Variants in CDH26 observed in about 807,000 individuals in gnomAD.
CDH26 encodes cadherin 26.
CDH26 carries 83 observed loss-of-function variants against 90.3 expected under a neutral mutation model. The observed-to-expected ratio is 0.92, with a 90% CI of 0.77 to 1.10. CDH26 has a LOEUF of 1.10. Ranked by LOEUF, CDH26 falls within the 50% of genes least tolerant of loss-of-function variation. The pLI, the probability that CDH26 is intolerant of heterozygous loss-of-function variation, is 0.00. For synonymous variants in CDH26, 397 were observed against 396.3 expected (o/e 1.00, Z -0.02); for missense variants, 1,013 against 1,037.6 (o/e 0.98, Z 0.33).
Position 60,014,130 on chromosome 20 carries a change from AATTATCTCATTTTAAAACTTT to A in CDH26, c.*1406_*1426del, listed in dbSNP as rs1331265225. On this transcript the variant is annotated 3_prime_UTR_variant, in exon 18 of 18. Coordinates refer to ENST00000348616, the MANE Select transcript of CDH26 (RefSeq NM_177980.4). ...TTCTGTCCCCTGTAGATTTTTAAAA[AATTATCTCATTTTAAAACTTT>A]ATTATTTCATTTTAAATAATTGACA... 1 of 152,172 alleles carries A rather than the reference AATTATCTCATTTTAAAACTTT, an allele frequency of 6.6e-6. No homozygotes were observed. Among genetic ancestry groups the A allele is most frequent in the Non-Finnish European group, 1.5e-5 (1 of 68,040 alleles). The allele number at this position is 152,172 out of a possible 1,614,324, so 9.4% of individuals were successfully genotyped here. A position where few individuals can be genotyped will look rare whatever the true frequency, so the allele number is the denominator to read the frequency against.
chr20:60,001,465 T>C (rs1268957324), intron 15 of CDH26, 54 bp downstream of exon 15: 1 of 1,600,490 alleles, frequency 6.2e-7, no homozygotes, highest in Non-Finnish European at 8.5e-7. Flanking sequence ...TGACTAACAG[T>C]TGGTCCCCCT....
rs1166644894 is a variant in CDH26 at position 60,031,402 on chromosome 20, A to C, written c.1120A>C (p.Lys374Gln). ...TTTGGCTCGAACACCCTCTTTCAAG[A>C]AAGTTGTTTATGACCACAAGGAAGG... Residue 374 changes from lysine to glutamine, a missense_variant, in exon 8 of 9, where the codon AAA becomes CAA. By Grantham distance (53) the Lys-to-Gln change is moderately conservative. Transcript: ENST00000370991. 5.8e-6 allele frequency: 7 copies of C among 1,212,808 alleles called. No individual in the cohort carries two copies. In the African/African-American group the frequency reaches 9.7e-5, roughly 17 times the overall value. 75.1% of individuals were successfully genotyped at this position (1,212,808 alleles called of 1,614,324 possible).
chr20:59,970,952 C>A (rs1035437434), intron 3 of CDH26, among the ~76,000 whole-genome samples: 1 of 152,012 alleles, frequency 6.6e-6, no homozygotes, highest in Non-Finnish European at 1.5e-5. Flanking sequence ...AACAATTAGG[C>A]GGGGCTTGAG....
At chr20:59,963,387 A>G (rs1204448721) in intron 1 of CDH26, among the ~76,000 whole-genome samples, 1 of 151,796 alleles carries the variant, frequency 6.6e-6, no homozygotes, top group African/African-American at 2.4e-5. Context: ...AGTAGCTGGA[A>G]CTACAGGCAT....
Position 59,982,823 on chromosome 20 carries a change from G to A in CDH26, c.394-100G>A. On this transcript the variant is annotated intron_variant, in intron 4 of 17. Transcript: ENST00000348616. ...GCCCTCCGGAACTCTCAGTCTAGAG[G>A]AGGAGACAGACGTAACACATAATTA... The A allele has an allele frequency of 3.6e-6, 5 of 1,372,066 alleles. No homozygotes were observed. In the South Asian group the frequency reaches 6.7e-5, roughly 18 times the overall value. 85.0% of individuals were successfully genotyped at this position (1,372,066 alleles called of 1,614,324 possible). A position where few individuals can be genotyped will look rare whatever the true frequency, so the allele number is the denominator to read the frequency against.
chr20:60,012,326 C>T (rs1280885478), intron 17 of CDH26, among the ~76,000 whole-genome samples: 4 of 152,102 alleles, frequency 2.6e-5, no homozygotes, highest in Admixed American at 2.0e-4. Flanking sequence ...GTCACAGTTC[C>T]CTCTCAGACT....
intron 13 of CDH26, among the ~76,000 whole-genome samples, chr20:59,998,862 T>A (rs2146001845): frequency 6.6e-6 from 1 of 152,344 alleles, no homozygotes; most frequent in East Asian, 1.9e-4. Flanking sequence ...TTAGCATTAT[T>A]AGCAGTAATT....
chr20:59,965,166 A>T (rs943669780), intron 1 of CDH26, among the ~76,000 whole-genome samples: 1 of 152,234 alleles, frequency 6.6e-6, no homozygotes, highest in Admixed American at 6.5e-5. Context: ...CCTGGCCAGG[A>T]AACAAATATT....
chr20:60,003,537 C>A (rs1297743289), intron 16 of CDH26, among the ~76,000 whole-genome samples: 31 of 152,020 alleles, frequency 2.0e-4, no homozygotes, highest in Admixed American at 2.0e-3. Context: ...TTGAATAGCT[C>A]AGTTTACAAT....
At chr20:59,960,962 G>A (rs2061063270) in intron 1 of CDH26, among the ~76,000 whole-genome samples, 1 of 152,198 alleles carries the variant, frequency 6.6e-6, no homozygotes, top group Admixed American at 6.5e-5. Context: ...AAACATAATA[G>A]GGGGAAAACC....
rs374445274 is a variant in CDH26 at position 59,968,375 on chromosome 20, G to A, written c.70-592G>A. On this transcript the variant is annotated intron_variant, in intron 1 of 17. Transcript: ENST00000348616. ...GCCTCCCAAAGTGCTAGGATTACAC[G>A]CGTGAGCCACCGCTCCTGGCTGACT... is the stretch of plus-strand genomic sequence containing the variant. 2.0e-4 allele frequency among the ~76,000 whole-genome samples: 30 copies of A among 152,160 alleles called. No homozygotes were observed. In the East Asian group the frequency reaches 5.6e-3, roughly 28 times the overall value.
chr20:60,034,314 G>A (rs1389884651), downstream of CDH26, among the ~76,000 whole-genome samples: 1 of 152,218 alleles, frequency 6.6e-6, no homozygotes, highest in Non-Finnish European at 1.5e-5. Flanking sequence ...AGACAGTGCT[G>A]TGTCAGGAAC....
At chr20:59,988,868 G>C in intron 8 of CDH26, 36 bp from the exon 9 acceptor site, 8 of 1,605,466 alleles carry the variant, frequency 5.0e-6, no homozygotes, top group African/African-American at 4.0e-5. Flanking sequence ...CAGAGGAGCA[G>C]CAGGTGCTAA....
chr20:59,968,200 C>T (rs1250012842), intron 1 of CDH26, among the ~76,000 whole-genome samples: 7 of 151,474 alleles, frequency 4.6e-5, no homozygotes, highest in African/African-American at 1.5e-4. Context: ...CAGGTTCAAG[C>T]GATTCTCTTG....
chr20:59,972,029 A>G lies in CDH26; in HGVS notation c.299A>G (p.Tyr100Cys). Reference sequence around the variant, plus strand: ...ATCAGTGGACCTGGTGTGGATGAATATCCAGAGATTGGTTTGTTTTCTCTA... The same window carrying G: ...ATCAGTGGACCTGGTGTGGATGAATGTCCAGAGATTGGTTTGTTTTCTCTA... ...YLISGPGVDE[Y>C]PEIGLFSLED... The change falls in exon 4 of 18, where the codon TAT (tyrosine) becomes TGT (cysteine). Residue 100 changes from tyrosine to cysteine, a missense_variant. Physicochemically the swap from Tyr to Cys is radical, Grantham distance 194. Transcript: ENST00000348616. The G allele has an allele frequency of 6.2e-7, 1 of 1,613,750 alleles. No individual in the cohort carries two copies. The highest frequency in any genetic ancestry group is 8.5e-7 in the Non-Finnish European group (1 of 1,179,652).
chr20:59,963,246 A>G (rs2061099235), intron 1 of CDH26, among the ~76,000 whole-genome samples: 1 of 141,514 alleles, frequency 7.1e-6, no homozygotes, highest in Admixed American at 7.7e-5. Context: ...TGAGGGGTAG[A>G]TAAGGATTTT....
downstream of CDH26, among the ~76,000 whole-genome samples, chr20:60,016,658 AAGAAG>A (rs535683164): frequency 3.9e-3 from 590 of 152,182 alleles, 3 homozygotes; most frequent in African/African-American, 0.013. Context: ...TGTTGAATAC[AAGAAG>A]AGAGAGTGGG....
At chr20:60,018,667 GTA>G (rs1569067039), downstream of CDH26, among the ~76,000 whole-genome samples, 1 of 74,304 alleles carries the variant, frequency 1.3e-5, no homozygotes, top group Non-Finnish European at 2.8e-5. Context: ...TTGTTATTTT[GTA>G]TATCCTCTGT....
At chr20:59,979,299 A>G (rs2061365568) in intron 4 of CDH26, among the ~76,000 whole-genome samples, 1 of 151,408 alleles carries the variant, frequency 6.6e-6, no homozygotes, top group Non-Finnish European at 1.5e-5. Context: ...CCCAGGTTCA[A>G]GCAATTCTCC....
Sources: allele counts gnomAD v4.1 joint callset (sites outside exome capture counted in the v4.1 genomes callset), GRCh38; gene constraint gnomAD v4.1.1; transcripts MANE v1.5; gene names NCBI Gene and HGNC (gene_info 2026-07-23, HGNC 2026-07-21).